The following AVEN variants were observed in gnomAD, a reference collection of about 807,000 sequenced individuals.
The protein encoded by AVEN is apoptosis and caspase activation inhibitor.
A neutral mutation model predicts 38.1 loss-of-function variants in AVEN; 41 were observed. The observed-to-expected ratio is 1.08, with a 90% CI of 0.84 to 1.40. The LOEUF is 1.40. Among genes scored for constraint, AVEN ranks in the 40% most tolerant of loss-of-function variants. The pLI is 0.00. For missense variants in AVEN, 605 were observed against 438.8 expected (o/e 1.38, Z -3.38); for synonymous variants, 206 against 171.8 (o/e 1.20, Z -1.56).
At chr15:34,065,598 T>C (rs943303282) in intron 4 of AVEN, 2 of 152,212 alleles carry the variant, frequency 1.3e-5, no homozygotes, top group African/African-American at 2.4e-5. Context: ...CTGAAAATGA[T>C]CTGAAAGCTT....
At position 33,938,825 on chromosome 15, in the gene AVEN, T is replaced by G. The variant is rs554995599; in HGVS notation, c.446-62830A>C. Among the ~76,000 whole-genome samples, 14 of 152,300 alleles carry G rather than the reference T, an allele frequency of 9.2e-5. No individual in the cohort carries two copies. In the South Asian group the frequency reaches 2.9e-3, roughly 32 times the overall value. On this transcript the variant is annotated intron_variant, in intron 2 of 5. Coordinates refer to ENST00000306730, the MANE Select transcript of AVEN (RefSeq NM_020371.3). Reference sequence around the variant, plus strand: ...ACCGACAGGATCAGATACACCTATTTCTTTCTTCCTTTTTTTTTGTGGGGG... The same window carrying G: ...ACCGACAGGATCAGATACACCTATTGCTTTCTTCCTTTTTTTTTGTGGGGG...
In AVEN at chr15:33,866,691, C is replaced by T; in HGVS notation, c.1011G>A (p.Met337Ile). The change falls in exon 6 of 6, where the codon ATG (methionine) becomes ATA (isoleucine). Residue 337 changes from methionine to isoleucine, a missense_variant. Met to Ile is a conservative substitution (Grantham distance 10). Coordinates refer to ENST00000306730, the MANE Select transcript of AVEN (RefSeq NM_020371.3). ...TGGAGGTACTTGGTTGCTCAGGTTC[C>T]ATGTTTTTTTCTTCAGTCACAGATG... ...AKPSVTEEKN[M>I]EPEQPSTSKN... 4 of 1,613,994 alleles carry T rather than the reference C, an allele frequency of 2.5e-6. No individual in the cohort carries two copies. The highest frequency in any genetic ancestry group is 3.4e-6 in the Non-Finnish European group (4 of 1,179,904).
chr15:33,939,411 A>T (rs1411088928), intron 2 of AVEN, among the ~76,000 whole-genome samples: 1 of 152,252 alleles, frequency 6.6e-6, no homozygotes, highest in African/African-American at 2.4e-5. Flanking sequence ...CGTACAACTG[A>T]AGAAAATATG....
chr15:33,854,277 A>G, downstream of AVEN: 3 of 757,708 alleles, frequency 4.0e-6, no homozygotes, highest in Non-Finnish European at 4.4e-6. Context: ...TAAAGCTGAG[A>G]GCCATATTTA....
intron 2 of AVEN, among the ~76,000 whole-genome samples, chr15:33,975,698 G>A (rs1049835603): frequency 2.0e-5 from 3 of 152,146 alleles, no homozygotes; most frequent in African/African-American, 4.8e-5. Context: ...TTGGGAGGCC[G>A]AGGCAGGTGA....
chr15:34,008,563 G>A (rs542216043), intron 1 of AVEN, among the ~76,000 whole-genome samples: 6 of 141,928 alleles, frequency 4.2e-5, no homozygotes, highest in East Asian at 2.1e-4. Flanking sequence ...ATCTCGGCTC[G>A]CTGCAACCTC....
intron 2 of AVEN, among the ~76,000 whole-genome samples, chr15:33,999,121 TC>T (rs1305998438): frequency 6.6e-6 from 1 of 152,198 alleles, no homozygotes; most frequent in Non-Finnish European, 1.5e-5. Flanking sequence ...GATTACAACT[TC>T]CCTTGTCTTC....
At chr15:33,943,739 C>A (rs1894404714) in intron 2 of AVEN, among the ~76,000 whole-genome samples, 2 of 147,088 alleles carry the variant, frequency 1.4e-5, no homozygotes, top group Non-Finnish European at 3.0e-5. Context: ...GCAGAAGAGT[C>A]ACTTGAACTC....
At chr15:33,862,000 G>T (rs114058074), downstream of AVEN, among the ~76,000 whole-genome samples, 1 of 151,910 alleles carries the variant, frequency 6.6e-6, no homozygotes, top group African/African-American at 2.4e-5. Flanking sequence ...CTTATTCTAC[G>T]GTAAAGCATT....
intron 2 of AVEN, among the ~76,000 whole-genome samples, chr15:33,978,723 C>A (rs1288319372): frequency 6.6e-5 from 10 of 151,980 alleles, no homozygotes; most frequent in African/African-American, 2.4e-4. Context: ...ACAAATTCGT[C>A]CCCAGGCATT....
At chr15:33,879,560 TA>T (rs67317325) in intron 2 of AVEN, among the ~76,000 whole-genome samples, 93,843 of 151,724 alleles carry the variant, frequency 0.62, 32,324 homozygotes, top group East Asian at 0.77. Context: ...AATAATAAAA[TA>T]AAAAAAAGAA....
chr15:34,062,621 A>T (rs1174623960), intron 5 of AVEN: 4 of 1,103,290 alleles, frequency 3.6e-6, no homozygotes, highest in East Asian at 2.4e-5. Flanking sequence ...GTGCGAAGCT[A>T]ATGTGTTTCC....
Position 34,038,860 on chromosome 15 carries a change from G to T in AVEN, c.187C>A (p.Arg63Ser). 8.6e-7 allele frequency: 1 copy of T among 1,156,396 alleles called. No homozygotes were observed. 71.6% of individuals were successfully genotyped at this position (1,156,396 alleles called of 1,614,324 possible). Residue 63 changes from arginine (R) to serine (S), a missense_variant, in exon 1 of 6, where the codon CGC becomes AGC. By Grantham distance (110) the Arg-to-Ser change is moderately radical (BLOSUM62 -1). Transcript: ENST00000306730. ...GCGCCTCCTCCTCCTCGGCCTCCGC[G>T]AGCGCCGCGGAAGCCCCGGCCACGG... ...RGRGRGFRGA[R>S]GGRGGGGAPR...
intron 1 of AVEN, among the ~76,000 whole-genome samples, chr15:34,017,249 G>C (rs1055896978): frequency 2.0e-5 from 3 of 152,044 alleles, no homozygotes; most frequent in Non-Finnish European, 4.4e-5. Context: ...CTAGAACTGA[G>C]CTCTCATACA....
intron 1 of AVEN, among the ~76,000 whole-genome samples, chr15:34,006,016 C>T (rs1479982809): frequency 6.6e-6 from 1 of 152,048 alleles, no homozygotes; most frequent in Non-Finnish European, 1.5e-5. Context: ...GAACATTCTA[C>T]AGAAAATAGC....
intron 2 of AVEN, among the ~76,000 whole-genome samples, chr15:33,935,788 T>G (rs1022760475): frequency 6.6e-6 from 1 of 152,340 alleles, no homozygotes; most frequent in South Asian, 2.1e-4. Context: ...AGGGTGATTA[T>G]GACTAATTTT....
intron 2 of AVEN, among the ~76,000 whole-genome samples, chr15:33,984,086 A>C (rs1379502624): frequency 6.6e-6 from 1 of 152,164 alleles, no homozygotes; most frequent in African/African-American, 2.4e-5. Context: ...ATCCTGAGTT[A>C]GAAGAGAAAA....
downstream of AVEN, among the ~76,000 whole-genome samples, chr15:33,857,293 A>G (rs1054852749): frequency 1.3e-5 from 2 of 152,016 alleles, no homozygotes; most frequent in Admixed American, 6.5e-5. Context: ...GTGGCTGTAG[A>G]CAGCACCCTC....
downstream of AVEN, chr15:33,854,259 C>A (rs941534380): frequency 1.6e-5 from 11 of 695,934 alleles, no homozygotes; most frequent in Middle Eastern, 3.3e-4. Context: ...GGAGCACATA[C>A]AACTTGATAA....
Sources: allele counts gnomAD v4.1 joint callset (sites outside exome capture counted in the v4.1 genomes callset), GRCh38; gene constraint gnomAD v4.1.1; transcripts MANE v1.5; gene names NCBI Gene and HGNC (gene_info 2026-07-23, HGNC 2026-07-21).